The following ATP9B variants were observed in gnomAD, a reference collection of about 807,000 sequenced individuals.
ATP9B encodes ATPase phospholipid transporting 9B, also known as probable phospholipid-transporting ATPase IIB.
Under a neutral mutation model 146.1 loss-of-function variants are expected in ATP9B, and 110 were observed. The ratio of observed to expected loss-of-function variants is 0.75; its 90% CI spans 0.65 to 0.88. The LOEUF is 0.88. Among genes scored for constraint, ATP9B ranks in the 40% least tolerant of loss-of-function variants. The pLI, the probability that ATP9B is intolerant of heterozygous loss-of-function variation, is 0.00. For missense variants in ATP9B, 1,499 were observed against 1,496.4 expected (o/e 1.00, Z -0.03); for synonymous variants, 604 against 569.7 (o/e 1.06, Z -0.86).
At chr18:79,129,460 A>G (rs1283055349) in intron 5 of ATP9B, among the ~76,000 whole-genome samples, 3 of 152,160 alleles carry the variant, frequency 2.0e-5, no homozygotes, top group African/African-American at 7.2e-5. Flanking sequence ...GCCAGGCTCC[A>G]AAGCCCAGGA....
At chr18:79,145,204 A>G (rs1361181777) in intron 6 of ATP9B, 8 of 118,652 alleles carry the variant, frequency 6.7e-5, no homozygotes, top group South Asian at 5.9e-4. Context: ...CTGAAGGTGC[A>G]AGCTGCATGT....
chr18:79,137,243 C>G (rs1411485999), intron 5 of ATP9B, among the ~76,000 whole-genome samples: 1 of 152,152 alleles, frequency 6.6e-6, no homozygotes. Flanking sequence ...CTAATTATAA[C>G]ATTTGTGTCA....
intron 11 of ATP9B, among the ~76,000 whole-genome samples, chr18:79,249,899 A>C (rs1046135523): frequency 3.3e-5 from 5 of 152,266 alleles, no homozygotes; most frequent in Non-Finnish European, 7.3e-5. Context: ...TAGTTTGGTT[A>C]CAAGTTATAT....
At chr18:79,365,105 A>C (rs1452933620) in intron 26 of ATP9B, among the ~76,000 whole-genome samples, 2 of 152,218 alleles carry the variant, frequency 1.3e-5, no homozygotes, top group African/African-American at 2.4e-5. Flanking sequence ...AAATATTTGC[A>C]TGTCACACTT....
chr18:79,292,952 G>A (rs62099512), intron 13 of ATP9B, among the ~76,000 whole-genome samples: 4,446 of 152,024 alleles, frequency 0.029, 107 homozygotes, highest in Non-Finnish European at 0.047. Context: ...CTAATACAAA[G>A]CTACAGTAAT....
At chr18:79,155,602 T>G (rs1366677748) in intron 7 of ATP9B, among the ~76,000 whole-genome samples, 1 of 152,110 alleles carries the variant, frequency 6.6e-6, no homozygotes, top group Non-Finnish European at 1.5e-5. Flanking sequence ...GTTATTATTT[T>G]TATTAAAAAC....
chr18:79,208,138 G>A (rs183826784), intron 10 of ATP9B, among the ~76,000 whole-genome samples: 24 of 152,198 alleles, frequency 1.6e-4, no homozygotes, highest in African/African-American at 4.3e-4. Flanking sequence ...CCAGCTACTC[G>A]GGGGGCTGAG....
At chr18:79,096,685 C>T (rs1364876673) in intron 2 of ATP9B, 36 bp downstream of exon 2, 1 of 1,528,146 alleles carries the variant, frequency 6.5e-7, no homozygotes, top group South Asian at 1.2e-5. Context: ...TCCTTATATG[C>T]TAAGGTTACT....
intron 19 of ATP9B, 66 bp downstream of exon 19, chr18:79,337,515 G>A: frequency 6.4e-7 from 1 of 1,554,232 alleles, no homozygotes; most frequent in Non-Finnish European, 8.6e-7. Context: ...TTTTCCTTGG[G>A]CATGGTGATT....
At chr18:79,085,414 C>T (rs1213502376) in intron 1 of ATP9B, 5 of 152,084 alleles carry the variant, frequency 3.3e-5, no homozygotes, top group African/African-American at 4.8e-5. Context: ...TTATTATCAT[C>T]GAGGATGAAG....
chr18:79,193,360 C>CAGAAGTTTCA, intron 9 of ATP9B, 97 bp downstream of exon 9: 1 of 1,049,872 alleles, frequency 9.5e-7, no homozygotes, highest in African/African-American at 1.6e-5. Context: ...TAAATTCAAA[C>CAGAAGTTTCA]AGAAGTTTCA....
intron 15 of ATP9B, among the ~76,000 whole-genome samples, chr18:79,315,317 G>C (rs1350477142): frequency 1.3e-5 from 2 of 152,182 alleles, no homozygotes; most frequent in African/African-American, 4.8e-5. Context: ...TTTGTGAGGA[G>C]CAAATCATTG....
At chr18:79,275,028 CCAGCTAA>C (rs953435583) in intron 12 of ATP9B, among the ~76,000 whole-genome samples, 33 of 152,180 alleles carry the variant, frequency 2.2e-4, no homozygotes, top group Non-Finnish European at 3.2e-4. Context: ...TCAGAAATTC[CCAGCTAA>C]CAGCAGAAAC....
At chr18:79,118,324 T>C (rs1203221541) in intron 4 of ATP9B, among the ~76,000 whole-genome samples, 3 of 150,244 alleles carry the variant, frequency 2.0e-5, no homozygotes, top group Non-Finnish European at 4.4e-5. Context: ...TATAGCATTA[T>C]AGAAACTTTA....
intron 11 of ATP9B, among the ~76,000 whole-genome samples, chr18:79,233,661 T>C (rs1280791064): frequency 2.0e-5 from 3 of 151,980 alleles, no homozygotes; most frequent in African/African-American, 7.3e-5. Flanking sequence ...ACAGGAGGAA[T>C]AGGGTACAAG....
chr18:79,309,615 G>T (rs1477449846), intron 15 of ATP9B, among the ~76,000 whole-genome samples: 1 of 144,578 alleles, frequency 6.9e-6, no homozygotes, highest in African/African-American at 2.6e-5. Context: ...AGGGGCTGAG[G>T]AGTGATCCCC....
intron 15 of ATP9B, among the ~76,000 whole-genome samples, chr18:79,320,715 C>G (rs1316785766): frequency 6.6e-6 from 1 of 152,098 alleles, no homozygotes; most frequent in African/African-American, 2.4e-5. Flanking sequence ...CTCCAGCCCT[C>G]GTTGCTTGTA....
chr18:79,162,410 C>T (rs547178521), intron 7 of ATP9B, among the ~76,000 whole-genome samples: 1 of 152,198 alleles, frequency 6.6e-6, no homozygotes, highest in Non-Finnish European at 1.5e-5. Flanking sequence ...GATCAAATAT[C>T]TCCAGAGTGC....
chr18:79,069,415 C>T lies in ATP9B; in HGVS notation c.5C>T (p.Ala2Val), dbSNP rs751106103. 35 of 1,514,794 alleles carry T rather than the reference C, an allele frequency of 2.3e-5. No individual in the cohort carries two copies. Among genetic ancestry groups the T allele is most frequent in the Middle Eastern group, 4.2e-4 (2 of 4,808 alleles). The allele number at this position is 1,514,794 out of a possible 1,614,324, so 93.8% of individuals were successfully genotyped here. A position where few individuals can be genotyped will look rare whatever the true frequency, so the allele number is the denominator to read the frequency against. M[A>V]DQIPLYPVRS... Reference sequence around the variant, plus strand: ...CGGGAAAGGGGCGGTCGGAACATGGCGGACCAGATCCCGCTTTACCCGGTG... The same window carrying T: ...CGGGAAAGGGGCGGTCGGAACATGGTGGACCAGATCCCGCTTTACCCGGTG... The change falls in exon 1 of 30, where the codon GCG becomes GTG. Residue 2 changes from alanine (A) to valine (V), a missense_variant. Transcript: ENST00000426216.
Sources: allele counts gnomAD v4.1 joint callset (sites outside exome capture counted in the v4.1 genomes callset), GRCh38; gene constraint gnomAD v4.1.1; transcripts MANE v1.5; gene names NCBI Gene and HGNC (gene_info 2026-07-23, HGNC 2026-07-21).